Variants in INO80D observed in about 807,000 individuals in gnomAD.
The protein encoded by INO80D is INO80 complex subunit D.
Under a neutral mutation model 87.6 loss-of-function variants are expected in INO80D, and 21 were observed. The ratio of observed to expected loss-of-function variants is 0.24; its 90% CI spans 0.17 to 0.35. INO80D has a LOEUF of 0.35. Among genes scored for constraint, INO80D ranks in the 10% least tolerant of loss-of-function variants. The pLI is 1.00. For missense variants in INO80D, 982 were observed against 1,280.7 expected, an observed-to-expected ratio of 0.77 and a Z score of 3.56; for synonymous variants, 440 against 491.0, an observed-to-expected ratio of 0.90 and a Z score of 1.37.
intron 6 of INO80D, among the ~76,000 whole-genome samples, chr2:206,024,287 T>C (rs1012731000): frequency 3.9e-5 from 6 of 152,070 alleles, no homozygotes; most frequent in African/African-American, 1.4e-4. Flanking sequence ...GAGAGACAAG[T>C]TAATATAGGT....
At chr2:206,047,525 T>G (rs774674570) in intron 4 of INO80D, among the ~76,000 whole-genome samples, 4 of 152,000 alleles carry the variant, frequency 2.6e-5, no homozygotes, top group African/African-American at 7.3e-5. Flanking sequence ...GGCCAGAATT[T>G]AAGTATCAAA....
chr2:206,030,062 A>G (rs972767771), intron 5 of INO80D, among the ~76,000 whole-genome samples: 2 of 152,194 alleles, frequency 1.3e-5, no homozygotes, highest in African/African-American at 4.8e-5. Context: ...CAGCAGGTCT[A>G]CACTTGGGAG....
At chr2:206,070,685 A>C (rs1575882241) in intron 1 of INO80D, among the ~76,000 whole-genome samples, 1 of 152,124 alleles carries the variant, frequency 6.6e-6, no homozygotes, top group South Asian at 2.1e-4. Context: ...ACGCCACTGC[A>C]CTCCAGGCAA....
intron 10 of INO80D, among the ~76,000 whole-genome samples, chr2:206,005,832 GC>G (rs1438584697): frequency 6.6e-6 from 1 of 152,084 alleles, no homozygotes; most frequent in African/African-American, 2.4e-5. Context: ...CAAATTTAAA[GC>G]TCATGGTGAC....
At chr2:206,053,119 T>C (rs575079228) in intron 4 of INO80D, among the ~76,000 whole-genome samples, 2 of 152,238 alleles carry the variant, frequency 1.3e-5, no homozygotes, top group East Asian at 3.9e-4. Flanking sequence ...ATCAAAACTT[T>C]TTTTTTTTTA....
intron 3 of INO80D, among the ~76,000 whole-genome samples, chr2:206,059,377 C>G (rs1363329335): frequency 6.6e-6 from 1 of 151,576 alleles, no homozygotes; most frequent in Non-Finnish European, 1.5e-5. Context: ...TGAGACTCAG[C>G]CTCAAAAAAC....
Position 205,995,412 on chromosome 2 carries a change from T to C in INO80D, c.*8956A>G, listed in dbSNP as rs1687791547. 6.6e-6 allele frequency: 1 copy of C among 152,224 alleles called. No individual in the cohort carries two copies. Among genetic ancestry groups the C allele is most frequent in the Admixed American group, 6.5e-5 (1 of 15,280 alleles). 9.4% of individuals were successfully genotyped at this position (152,224 alleles called of 1,614,324 possible). A position where few individuals can be genotyped will look rare whatever the true frequency, so the allele number is the denominator to read the frequency against. ...CTTTAAATGTTCTTTAAATAACTTT[T>C]GATAATGTATTTTAAATCATTACAT... is the stretch of plus-strand genomic sequence containing the variant. On this transcript the variant is annotated 3_prime_UTR_variant, in exon 11 of 11. Coordinates refer to ENST00000403263, the MANE Select transcript of INO80D (RefSeq NM_017759.5).
chr2:206,058,708 TGA>T (rs1352529175), intron 3 of INO80D, among the ~76,000 whole-genome samples: 1 of 152,014 alleles, frequency 6.6e-6, no homozygotes, highest in Non-Finnish European at 1.5e-5. Context: ...CATTCCAGCC[TGA>T]GAGACAGAGC....
chr2:206,032,075 A>G (rs1017897730), intron 5 of INO80D, among the ~76,000 whole-genome samples: 3 of 152,184 alleles, frequency 2.0e-5, no homozygotes, highest in Non-Finnish European at 4.4e-5. Context: ...CCTGCCTGGC[A>G]TCACAGAGAT....
intron 1 of INO80D, among the ~76,000 whole-genome samples, chr2:206,080,511 T>A (rs1690246625): frequency 6.6e-6 from 1 of 152,234 alleles, no homozygotes; most frequent in African/African-American, 2.4e-5. Context: ...ATATATTTAT[T>A]TGCCCCATTA....
At chr2:206,023,510 C>T (rs1688521625) in intron 6 of INO80D, among the ~76,000 whole-genome samples, 1 of 151,542 alleles carries the variant, frequency 6.6e-6, no homozygotes, top group African/African-American at 2.4e-5. Flanking sequence ...AGTGAAACCC[C>T]GTCTCCACTA....
At chr2:206,083,366 A>AT (rs1416909075) in intron 1 of INO80D, among the ~76,000 whole-genome samples, 1 of 152,286 alleles carries the variant, frequency 6.6e-6, no homozygotes, top group African/African-American at 2.4e-5. Context: ...ACTAAGAATG[A>AT]TTTTTTTCCA....
At chr2:206,037,110 T>C (rs2105848393) in intron 5 of INO80D, among the ~76,000 whole-genome samples, 1 of 152,338 alleles carries the variant, frequency 6.6e-6, no homozygotes, top group South Asian at 2.1e-4. Context: ...CTTCCTTCTT[T>C]CTTTCCATAT....
chr2:206,009,292 G>A (rs1328966372), intron 9 of INO80D, among the ~76,000 whole-genome samples: 1 of 152,136 alleles, frequency 6.6e-6, no homozygotes, highest in Non-Finnish European at 1.5e-5. Context: ...GGGAGACAGA[G>A]CAAGACTTGG....
chr2:206,065,480 AGAAAG>A (rs1186636622), intron 1 of INO80D, among the ~76,000 whole-genome samples: 1 of 152,142 alleles, frequency 6.6e-6, no homozygotes, highest in African/African-American at 2.4e-5. Flanking sequence ...AAAAAAGAAA[AGAAAG>A]AGAGAAAAAA....
intron 5 of INO80D, among the ~76,000 whole-genome samples, chr2:206,035,683 C>T (rs907660636): frequency 2.0e-5 from 3 of 152,000 alleles, no homozygotes; most frequent in Non-Finnish European, 2.9e-5. Flanking sequence ...AGTTCATGAC[C>T]AAGAACCCAA....
At position 206,084,240 on chromosome 2, in the gene INO80D, T is replaced by TACACAC. The variant is rs111836331; in HGVS notation, c.-124+1655_-124+1660dup. Among the ~76,000 whole-genome samples the TACACAC allele has an allele frequency of 2.5e-3, 338 of 135,118 alleles. 2 individuals are homozygous for TACACAC. The highest frequency in any genetic ancestry group is 7.2e-3 in the South Asian group (31 of 4,282). The allele number at this position is 135,118 out of a possible 152,430, so 88.6% of individuals were successfully genotyped here. A position where few individuals can be genotyped will look rare whatever the true frequency, so the allele number is the denominator to read the frequency against. On this transcript the variant is annotated intron_variant, in intron 1 of 10. Transcript: ENST00000403263. ...TTTTTTTTCGTTTAAATGTTATACATACACACACACACACACACACACACA... is the reference window on the plus strand; with the variant it reads ...TTTTTTTTCGTTTAAATGTTATACATACACACACACACACACACACACACACACACA...
chr2:206,006,664 CA>C (rs903195462), intron 10 of INO80D, among the ~76,000 whole-genome samples: 49 of 141,984 alleles, frequency 3.5e-4, no homozygotes, highest in Non-Finnish European at 1.1e-4. Flanking sequence ...GTCTGAGCGA[CA>C]GAGCGAGACT....
chr2:206,086,138 C>T lies in INO80D; in HGVS notation c.-361G>A, dbSNP rs867808937. 1.6e-4 allele frequency: 25 copies of T among 152,244 alleles called. No individual in the cohort carries two copies. The highest frequency in any genetic ancestry group is 5.5e-4 in the African/African-American group (23 of 41,460). 9.4% of individuals were successfully genotyped at this position (152,244 alleles called of 1,614,324 possible). ...TATTAAGGGGAAATCCCTGAATATACTCTCCAGCCAAGAAGGCAGGGCTGC... is the reference window on the plus strand; with the variant it reads ...TATTAAGGGGAAATCCCTGAATATATTCTCCAGCCAAGAAGGCAGGGCTGC... On this transcript the variant is annotated 5_prime_UTR_variant, in exon 1 of 11. Coordinates refer to ENST00000403263, the MANE Select transcript of INO80D (RefSeq NM_017759.5).
Sources: gnomAD v4.1 joint callset for allele counts (sites outside exome capture counted in the v4.1 genomes callset) on GRCh38, gnomAD v4.1.1 for gene constraint, MANE v1.5 for transcripts, NCBI Gene and HGNC (gene_info 2026-07-23, HGNC 2026-07-21) for gene names.